Variants in STK40 observed in about 807,000 individuals in gnomAD.
STK40 encodes serine/threonine-protein kinase 40.
Under a neutral mutation model 47.9 loss-of-function variants are expected in STK40, and 13 were observed. The ratio of observed to expected loss-of-function variants is 0.27; its 90% confidence interval spans 0.18 to 0.43. The LOEUF is 0.43. Ranked by LOEUF, STK40 falls within the 20% of genes least tolerant of loss-of-function variation. STK40 has a pLI of 1.00. For synonymous variants in STK40, 225 were observed against 243.2 expected (o/e 0.93, Z 0.69); for missense variants, 460 against 595.1 (o/e 0.77, Z 2.36).
At position 36,384,028 on chromosome 1, in the gene STK40, CTTCT is replaced by C. The variant is rs749820184; in HGVS notation, c.-9+1691_-9+1694del. On this transcript the variant is annotated intron_variant, in intron 1 of 10. Coordinates refer to ENST00000373132, the MANE Select transcript of STK40 (RefSeq NM_001282547.2). Reference sequence around the variant, plus strand: ...TTGCTGCTGCTATTAGCTTCTTCTTCTTCTTTTTTTTTTTTTTTTGAGACAGAGT... The same window carrying C: ...TTGCTGCTGCTATTAGCTTCTTCTTCTTTTTTTTTTTTTTTGAGACAGAGT... Among the ~76,000 whole-genome samples, 431 of 115,556 alleles carry C rather than the reference CTTCT, an allele frequency of 3.7e-3. 4 individuals are homozygous for C. The East Asian group carries it at 0.044, about 12-fold the overall frequency. 75.8% of individuals were successfully genotyped at this position (115,556 alleles called of 152,430 possible).
intron 7 of STK40, among the ~76,000 whole-genome samples, chr1:36,347,412 G>A (rs1373254251): frequency 6.6e-6 from 1 of 151,944 alleles, no homozygotes; most frequent in African/African-American, 2.4e-5. Flanking sequence ...ATGGGCTTTA[G>A]TGGGAGGCAG....
At chr1:36,376,957 G>A (rs1341614174) in intron 1 of STK40, among the ~76,000 whole-genome samples, 1 of 151,854 alleles carries the variant, frequency 6.6e-6, no homozygotes, top group Non-Finnish European at 1.5e-5. Context: ...ATTTTTAGTA[G>A]AGACGGGGTT....
intron 7 of STK40, among the ~76,000 whole-genome samples, chr1:36,346,486 T>C (rs548378822): frequency 1.3e-5 from 2 of 152,212 alleles, no homozygotes; most frequent in South Asian, 2.1e-4. Flanking sequence ...GCTGGGCACA[T>C]GGAGAATAAA....
intron 6 of STK40, among the ~76,000 whole-genome samples, chr1:36,351,021 G>A (rs1190811203): frequency 1.3e-5 from 2 of 152,226 alleles, no homozygotes; most frequent in Non-Finnish European, 2.9e-5. Context: ...ACAGGAGGGG[G>A]CAATGGCAGA....
At chr1:36,353,466 T>C (rs1646776905) in intron 6 of STK40, among the ~76,000 whole-genome samples, 1 of 152,160 alleles carries the variant, frequency 6.6e-6, no homozygotes, top group Non-Finnish European at 1.5e-5. Flanking sequence ...CCGTGCTTGG[T>C]GTCCCTCTGC....
intron 4 of STK40, 78 bp downstream of exon 4, chr1:36,358,161 T>C: frequency 1.4e-6 from 2 of 1,466,654 alleles, no homozygotes; most frequent in South Asian, 1.5e-5. Context: ...GCTGCTCGTA[T>C]GGCTGTGGCC....
At chr1:36,352,832 A>G (rs1646770741) in intron 6 of STK40, among the ~76,000 whole-genome samples, 1 of 152,232 alleles carries the variant, frequency 6.6e-6, no homozygotes, top group Non-Finnish European at 1.5e-5. Context: ...TCCAGAGGGT[A>G]GTGGGAACCA....
At chr1:36,385,049 G>T (rs72663470) in intron 1 of STK40, among the ~76,000 whole-genome samples, 183 of 152,322 alleles carry the variant, frequency 1.2e-3, no homozygotes, top group Non-Finnish European at 1.6e-3. Context: ...GGATTGGGGT[G>T]GGCAGAAAAC....
Position 36,343,955 on chromosome 1 carries a change from G to C in STK40, c.909C>G (p.Thr303=). Residue 303 remains threonine, a synonymous_variant, in exon 9 of 11, where the codon ACC becomes ACG. Transcript: ENST00000373132. ...CCAGCAGCTTCCGGATGAGACACAC[G>C]GTGTTCTCAGAAACCCGTCCATCCC... ...IPEDGRVSEN[T]VCLIRKLLVL... The C allele has an allele frequency of 1.9e-6, 3 of 1,606,768 alleles. No homozygotes were observed. The highest frequency in any genetic ancestry group is 1.1e-5 in the South Asian group (1 of 90,798).
chr1:36,350,828 G>C (rs1448921386), intron 6 of STK40, among the ~76,000 whole-genome samples: 1 of 152,214 alleles, frequency 6.6e-6, no homozygotes, highest in Non-Finnish European at 1.5e-5. Flanking sequence ...GCCAGGGCAC[G>C]GGCAGGCACA....
At chr1:36,354,127 TG>T (rs1646781923) in intron 6 of STK40, among the ~76,000 whole-genome samples, 1 of 152,128 alleles carries the variant, frequency 6.6e-6, no homozygotes, top group South Asian at 2.1e-4. Flanking sequence ...GACAAATAAA[TG>T]GACAAGGGAG....
At chr1:36,349,375 G>A (rs1212949290) in intron 6 of STK40, among the ~76,000 whole-genome samples, 1 of 152,214 alleles carries the variant, frequency 6.6e-6, no homozygotes, top group African/African-American at 2.4e-5. Context: ...CAATGAGGGG[G>A]ATTTTCTCAC....
chr1:36,355,263 C>T lies in STK40; in HGVS notation c.513G>A (p.Glu171=). ...HYVIKEKRLS[E]RETVVIFYDV... ...CGTAGAAGATTACCACAGTCTCCCT[C>T]TCGCTGAGCCTCTTCTCCTTGATGA... Residue 171 remains glutamate, a synonymous_variant, in exon 5 of 11, where the codon GAG becomes GAA. Coordinates refer to ENST00000373132, the MANE Select transcript of STK40 (RefSeq NM_001282547.2). The T allele has an allele frequency of 6.2e-7, 1 of 1,614,106 alleles. No homozygotes were observed. The highest frequency in any genetic ancestry group is 8.5e-7 in the Non-Finnish European group (1 of 1,180,034).
chr1:36,357,363 G>A (rs772931436), intron 4 of STK40, among the ~76,000 whole-genome samples: 18 of 152,318 alleles, frequency 1.2e-4, no homozygotes, highest in Admixed American at 7.2e-4. Context: ...GCCAGCAAAC[G>A]GCTGAGGGCT....
chr1:36,370,528 G>A (rs549312527), intron 1 of STK40, among the ~76,000 whole-genome samples: 24 of 152,204 alleles, frequency 1.6e-4, no homozygotes, highest in Non-Finnish European at 3.1e-4. Context: ...GGTGAGTGAT[G>A]TGAAATCTGA....
chr1:36,343,493 T>G (rs1570432075), intron 9 of STK40, 45 bp from the exon 10 acceptor site: 1 of 1,562,688 alleles, frequency 6.4e-7, no homozygotes, highest in Non-Finnish European at 8.7e-7. Flanking sequence ...AGAGACCAGG[T>G]CCATTGATCC....
chr1:36,375,975 T>C (rs1231654251), intron 1 of STK40, among the ~76,000 whole-genome samples: 1 of 151,090 alleles, frequency 6.6e-6, no homozygotes, highest in Non-Finnish European at 1.5e-5. Context: ...TGCGCTGAGA[T>C]CGCGCCATTG....
rs1177899075 is a variant in STK40, at chr1:36,344,302, A to G, written c.740-38T>C. ...ACATACCACACTGTCTTCAGGCCAC[A>G]GCACCACCGTGGCTCACCAGCCTGG... is the stretch of plus-strand genomic sequence containing the variant. On this transcript the variant is annotated intron_variant, in intron 7 of 10. Transcript: ENST00000373132. 2.6e-6 allele frequency: 4 copies of G among 1,532,802 alleles called. No individual in the cohort carries two copies. In the Admixed American group the frequency reaches 7.9e-5, roughly 30 times the overall value. 95.0% of individuals were successfully genotyped at this position (1,532,802 alleles called of 1,614,324 possible).
At chr1:36,384,740 CA>C (rs1276279987) in intron 1 of STK40, among the ~76,000 whole-genome samples, 1 of 152,204 alleles carries the variant, frequency 6.6e-6, no homozygotes, top group Non-Finnish European at 1.5e-5. Context: ...TTAACCCAAC[CA>C]ACAACTTGCA....
Sources: allele counts gnomAD v4.1 joint callset (sites outside exome capture counted in the v4.1 genomes callset), GRCh38; gene constraint gnomAD v4.1.1; transcripts MANE v1.5; gene names NCBI Gene and HGNC (gene_info 2026-07-23, HGNC 2026-07-21).